RGS7: variants seen among roughly 807,000 people sequenced by gnomAD.
RGS7 encodes the protein regulator of G protein signaling 7.
Under a neutral mutation model 81.1 loss-of-function variants are expected in RGS7, and 27 were observed. That is an observed-to-expected ratio of 0.33 (90% CI 0.25 to 0.46). RGS7 has a LOEUF of 0.46. Ranked by LOEUF, RGS7 falls within the 20% of genes least tolerant of loss-of-function variation. The pLI is 1.00. For missense variants in RGS7, 396 were observed against 607.4 expected, an observed-to-expected ratio of 0.65 and a Z score of 3.66; for synonymous variants, 208 against 207.7, an observed-to-expected ratio of 1.00 and a Z score of -0.01.
At chr1:240,916,694 G>C (rs1017419343) in intron 6 of RGS7, among the ~76,000 whole-genome samples, 3 of 152,202 alleles carry the variant, frequency 2.0e-5, no homozygotes, top group African/African-American at 7.2e-5. Context: ...TGAGGACACG[G>C]GAAGGTGGCC....
chr1:241,019,286 A>G (rs1572294969), intron 3 of RGS7, among the ~76,000 whole-genome samples: 1 of 152,082 alleles, frequency 6.6e-6, no homozygotes, highest in Non-Finnish European at 1.5e-5. Context: ...TCTGTACTGT[A>G]TCTCTCTGAA....
At chr1:240,944,938 C>T (rs1678353315) in intron 4 of RGS7, among the ~76,000 whole-genome samples, 1 of 152,246 alleles carries the variant, frequency 6.6e-6, no homozygotes. Flanking sequence ...GTCTCTATCT[C>T]TTGACCTCGT....
intron 3 of RGS7, among the ~76,000 whole-genome samples, chr1:241,048,709 G>A (rs1480313254): frequency 6.6e-6 from 1 of 152,176 alleles, no homozygotes; most frequent in Non-Finnish European, 1.5e-5. Context: ...CATATGTAAA[G>A]TTTTCTGTTT....
intron 3 of RGS7, among the ~76,000 whole-genome samples, chr1:241,072,633 G>A (rs2062543162): frequency 6.6e-6 from 1 of 152,186 alleles, no homozygotes; most frequent in Non-Finnish European, 1.5e-5. Flanking sequence ...ATGGTGTCCT[G>A]TGGGGACAGG....
intron 2 of RGS7, among the ~76,000 whole-genome samples, chr1:241,273,904 G>A (rs2078056077): frequency 7.3e-6 from 1 of 136,640 alleles, no homozygotes. Context: ...GCAGACAGAT[G>A]CAGACTTTTG....
Position 241,271,630 on chromosome 1 carries a change from C to T in RGS7, c.78+84069G>A, listed in dbSNP as rs942229432. On this transcript the variant is annotated intron_variant, in intron 2 of 18. Coordinates refer to ENST00000440928, the MANE Select transcript of RGS7 (RefSeq NM_001364886.1). The surrounding 1 kb of genome is among the most constrained non-coding windows in gnomAD (Gnocchi z 4.6). ...ACTGAGTAAAGCAGACTGCCCATCC[C>T]ACTGTGGGTGTGGCTTATCCAACCT... Among the ~76,000 whole-genome samples, 10 of 152,182 alleles carry T rather than the reference C, an allele frequency of 6.6e-5. No homozygotes were observed. The highest frequency in any genetic ancestry group is 1.3e-4 in the Non-Finnish European group (9 of 68,038).
At chr1:241,328,416 T>C (rs943301515) in intron 2 of RGS7, among the ~76,000 whole-genome samples, 3 of 152,238 alleles carry the variant, frequency 2.0e-5, no homozygotes, top group African/African-American at 7.2e-5. Flanking sequence ...ACAGTACAGC[T>C]GCTTAGCTAC....
At chr1:240,806,374 G>A (rs748863023) in intron 14 of RGS7, 48 bp from the exon 15 acceptor site, 2 of 1,571,530 alleles carry the variant, frequency 1.3e-6, no homozygotes, top group East Asian at 4.5e-5. Flanking sequence ...CCCATCATCT[G>A]AAAATTCTTG....
At chr1:241,032,244 G>C (rs1004844872) in intron 3 of RGS7, among the ~76,000 whole-genome samples, 1 of 152,110 alleles carries the variant, frequency 6.6e-6, no homozygotes, top group African/African-American at 2.4e-5. Flanking sequence ...CCTTTCTCCA[G>C]TGCATAAGTT....
chr1:241,282,719 T>C (rs1022042440), intron 2 of RGS7, among the ~76,000 whole-genome samples: 4 of 151,966 alleles, frequency 2.6e-5, no homozygotes, highest in African/African-American at 9.7e-5. Flanking sequence ...ATGTCCTTTA[T>C]TAAGTTGAAG....
intron 6 of RGS7, among the ~76,000 whole-genome samples, chr1:240,893,638 A>G (rs72756824): frequency 0.13 from 19,370 of 152,040 alleles, 1,348 homozygotes; most frequent in Middle Eastern, 0.18. Context: ...TTGAGAATAT[A>G]TAGTCCTTTA....
In RGS7 at chr1:241,113,716, G is replaced by A. The variant is rs759609949; in HGVS notation, c.79-14954C>T. On this transcript the variant is annotated intron_variant, in intron 2 of 18. Transcript: ENST00000440928. ...TAGGAAAATAATTTAGCCTCTCTGGGCTAGGTCTTTGTACTCCTTCCCTAT... is the reference window on the plus strand; with the variant it reads ...TAGGAAAATAATTTAGCCTCTCTGGACTAGGTCTTTGTACTCCTTCCCTAT... Among the ~76,000 whole-genome samples, 440 of 152,214 alleles carry A rather than the reference G, an allele frequency of 2.9e-3. 7 individuals are homozygous for A. Among genetic ancestry groups the A allele is most frequent in the Non-Finnish European group, 1.4e-3 (94 of 68,022 alleles).
intron 3 of RGS7, among the ~76,000 whole-genome samples, chr1:241,019,603 G>A (rs1474917246): frequency 2.0e-5 from 3 of 151,950 alleles, no homozygotes; most frequent in African/African-American, 4.8e-5. Flanking sequence ...GAAAACATGC[G>A]GTGTTTGGTT....
intron 2 of RGS7, among the ~76,000 whole-genome samples, chr1:241,150,457 TCATCTTGAGGATA>T (rs1180170903): frequency 6.6e-6 from 1 of 152,196 alleles, no homozygotes; most frequent in African/African-American, 2.4e-5. Flanking sequence ...AGTCCCTCAG[TCATCTTGAGGATA>T]TAAATCTGAT....
chr1:240,852,720 C>T (rs1285564304), intron 9 of RGS7, among the ~76,000 whole-genome samples: 2 of 152,116 alleles, frequency 1.3e-5, no homozygotes, highest in African/African-American at 2.4e-5. Flanking sequence ...GAATATAGAA[C>T]CTCACCCTTT....
chr1:240,875,029 C>T (rs896044031), intron 6 of RGS7, among the ~76,000 whole-genome samples: 1 of 151,652 alleles, frequency 6.6e-6, no homozygotes. Context: ...GTGACAAGAG[C>T]GAAACTCCAT....
chr1:241,346,038 A>G (rs79936831), intron 2 of RGS7, among the ~76,000 whole-genome samples: 14,571 of 104,888 alleles, frequency 0.14, 907 homozygotes, highest in South Asian at 0.29. Flanking sequence ...ATAAATACTT[A>G]AATGTTTCTA....
chr1:241,060,675 G>A (rs916555606), intron 3 of RGS7, among the ~76,000 whole-genome samples: 4 of 152,126 alleles, frequency 2.6e-5, no homozygotes, highest in African/African-American at 9.7e-5. Context: ...TAGTTATAGG[G>A]CCCAGTCAAA....
intron 4 of RGS7, among the ~76,000 whole-genome samples, chr1:240,950,219 A>T (rs771434160): frequency 6.6e-6 from 1 of 152,200 alleles, no homozygotes; most frequent in Non-Finnish European, 1.5e-5. Flanking sequence ...ACATGCCTTC[A>T]TGAGCTACAC....
Sources: allele counts gnomAD v4.1 joint callset (sites outside exome capture counted in the v4.1 genomes callset), GRCh38; gene constraint gnomAD v4.1.1; non-coding constraint Gnocchi (gnomAD v3.1); transcripts MANE v1.5; gene names NCBI Gene and HGNC (gene_info 2026-07-23, HGNC 2026-07-21).